The following ANKS1A variants were observed in gnomAD, a reference collection of about 807,000 sequenced individuals.
ANKS1A encodes the protein ankyrin repeat and SAM domain-containing protein 1A.
ANKS1A carries 55 observed loss-of-function variants against 120.3 expected under a neutral mutation model. That is an observed-to-expected ratio of 0.46 (90% CI 0.37 to 0.57). The LOEUF (loss-of-function observed/expected upper bound fraction) is 0.57. Among genes scored for constraint, ANKS1A ranks in the 20% least tolerant of loss-of-function variants. The probability of loss-of-function intolerance (pLI) is 0.00; values close to 1 mark genes in which losing one functional copy is unlikely to be tolerated. For synonymous variants in ANKS1A, 590 were observed against 604.7 expected, an observed-to-expected ratio of 0.98 and a Z score of 0.36; for missense variants, 1,123 against 1,480.3, an observed-to-expected ratio of 0.76 and a Z score of 3.96.
rs867595491 is a variant in ANKS1A, at chr6:35,017,609, C to T, written c.1560C>T (p.Leu520=). 2 of 1,613,924 alleles carry T rather than the reference C, an allele frequency of 1.2e-6. No individual in the cohort carries two copies. Among genetic ancestry groups the T allele is most frequent in the Middle Eastern group, 1.6e-4 (1 of 6,062 alleles). ...TGGGGCAGGACCCTTTCCAGCTGCT[C>T]TGTACCGCTGGCCAGAGCCATCCAG... ...CEVGQDPFQL[L]CTAGQSHPDG... The change falls in exon 11 of 24, where the codon CTC becomes CTT. Residue 520 remains leucine, a synonymous_variant. Coordinates refer to ENST00000360359, the MANE Select transcript of ANKS1A (RefSeq NM_015245.3).
intron 10 of ANKS1A, among the ~76,000 whole-genome samples, chr6:35,010,900 G>C: frequency 6.6e-6 from 1 of 152,316 alleles, no homozygotes; most frequent in Middle Eastern, 3.4e-3. Context: ...ATGGCTTAAA[G>C]AGAGCAGAAG....
At chr6:35,016,124 C>T (rs558972376) in intron 10 of ANKS1A, among the ~76,000 whole-genome samples, 1 of 152,218 alleles carries the variant, frequency 6.6e-6, no homozygotes, top group Non-Finnish European at 1.5e-5. Context: ...ACTTTAGACG[C>T]TGAGGCCCAA....
chr6:35,029,546 A>G (rs892285191), intron 11 of ANKS1A, among the ~76,000 whole-genome samples: 2 of 150,980 alleles, frequency 1.3e-5, no homozygotes, highest in African/African-American at 4.9e-5. Context: ...ACGAGGTTTC[A>G]CCATATTAGG....
intron 8 of ANKS1A, among the ~76,000 whole-genome samples, chr6:34,987,107 A>G (rs1012958490): frequency 9.9e-5 from 15 of 151,958 alleles, no homozygotes; most frequent in Non-Finnish European, 1.8e-4. Flanking sequence ...ATGCTTTGCC[A>G]TTTTTACTTG....
intron 11 of ANKS1A, 34 bp from the exon 12 acceptor site, chr6:35,054,065 C>G (rs559586522): frequency 1.3e-6 from 2 of 1,595,668 alleles, no homozygotes; most frequent in South Asian, 2.2e-5. Context: ...CCAAGCCTGA[C>G]TGCCTCTCCT....
rs1370935233 is a variant in ANKS1A, at chr6:34,967,242, G to A, written c.201G>A (p.Met67Ile). 1 of 1,612,348 alleles carries A rather than the reference G, an allele frequency of 6.2e-7. No individual in the cohort carries two copies. The highest frequency in any genetic ancestry group is 8.5e-7 in the Non-Finnish European group (1 of 1,179,494). ...CTCTTTTTTTTTTCCCTGATAGCAT[G>A]TGGAGAGGGCCAAATGTGAACTGTG... The part of the protein sequence containing the change: ...SSHPLSSLLS[M>I]WRGPNVNCVD... Residue 67 changes from methionine (M) to isoleucine (I), a missense_variant, in exon 2 of 24, where the codon ATG (methionine) becomes ATA (isoleucine). Transcript: ENST00000360359.
intron 1 of ANKS1A, among the ~76,000 whole-genome samples, chr6:34,932,884 C>T (rs992982343): frequency 2.0e-5 from 3 of 152,132 alleles, no homozygotes; most frequent in Non-Finnish European, 1.5e-5. Flanking sequence ...TATATGTTAA[C>T]TCTGTTTAAC....
chr6:35,056,354 T>A (rs1295293281), intron 12 of ANKS1A, among the ~76,000 whole-genome samples: 2 of 152,302 alleles, frequency 1.3e-5, no homozygotes, highest in South Asian at 2.1e-4. Flanking sequence ...AGCGCGGTGA[T>A]CTCCACTCAC....
In ANKS1A at chr6:34,909,345, A is replaced by G. The variant is rs190270170; in HGVS notation, c.197+19746A>G. 1.9e-3 allele frequency among the ~76,000 whole-genome samples: 289 copies of G among 152,258 alleles called. 1 individual carries two copies. Among genetic ancestry groups the G allele is most frequent in the African/African-American group, 6.5e-3 (269 of 41,542 alleles). ...TGATGCCAAAGTCAGTGTTTTTTCC[A>G]TTGCGCCATGCTCTATGTCTTCAAC... On this transcript the variant is annotated intron_variant, in intron 1 of 23. Transcript: ENST00000360359.
chr6:34,982,692 G>A lies in ANKS1A; in HGVS notation c.733-60G>A. 3.2e-6 allele frequency: 5 copies of A among 1,551,204 alleles called. No individual in the cohort carries two copies. The highest frequency in any genetic ancestry group is 2.2e-5 in the East Asian group (1 of 44,534). On this transcript the variant is annotated intron_variant, in intron 4 of 23. Coordinates refer to ENST00000360359, the MANE Select transcript of ANKS1A (RefSeq NM_015245.3). The surrounding 1 kb of genome is among the most constrained non-coding windows in gnomAD (Gnocchi z 4.9). ...TTCTTGTCTGTGTCCCCTTTGTCAC[G>A]TGAAGCCGCACCAAACTGTTCTGAT...
At chr6:34,994,982 A>G (rs1173648310) in intron 10 of ANKS1A, among the ~76,000 whole-genome samples, 2 of 152,240 alleles carry the variant, frequency 1.3e-5, no homozygotes, top group Non-Finnish European at 2.9e-5. Flanking sequence ...GCCCGTCGAT[A>G]TAAGTGCAGT....
intron 11 of ANKS1A, among the ~76,000 whole-genome samples, chr6:35,038,414 G>A (rs887889967): frequency 3.3e-5 from 5 of 152,178 alleles, no homozygotes; most frequent in Non-Finnish European, 7.3e-5. Flanking sequence ...GAAGAGTGCT[G>A]TGATAGTGCT....
At chr6:34,891,372 T>C (rs1766816317) in intron 1 of ANKS1A, among the ~76,000 whole-genome samples, 1 of 152,222 alleles carries the variant, frequency 6.6e-6, no homozygotes, top group South Asian at 2.1e-4. Flanking sequence ...AGTCCCTAGA[T>C]CAGTGCCTGA....
At position 35,086,148 on chromosome 6, in the gene ANKS1A, T is replaced by G; in HGVS notation, c.3303+212T>G. 2 of 1,184,046 alleles carry G rather than the reference T, an allele frequency of 1.7e-6. No individual in the cohort carries two copies. The highest frequency in any genetic ancestry group is 2.9e-5 in the South Asian group (2 of 67,836). 73.3% of individuals were successfully genotyped at this position (1,184,046 alleles called of 1,614,324 possible). A position where few individuals can be genotyped will look rare whatever the true frequency, so the allele number is the denominator to read the frequency against. On this transcript the variant is annotated intron_variant, in intron 22 of 23. Transcript: ENST00000360359. This position sits in a 1 kb window ranked among gnomAD's most constrained non-coding sequence, Gnocchi z 5.1. ...TGGGCGGGCCTCTCATGCTCCTGTTTCCCTCCCTCGCTGGGCTCCCCCAAG... is the reference window on the plus strand; with the variant it reads ...TGGGCGGGCCTCTCATGCTCCTGTTGCCCTCCCTCGCTGGGCTCCCCCAAG...
intron 11 of ANKS1A, chr6:35,023,711 C>A: frequency 2.9e-6 from 1 of 339,146 alleles, no homozygotes; most frequent in South Asian, 2.8e-5. Context: ...GACCAATTAG[C>A]GTGGAAGTTG....
chr6:34,977,056 T>C (rs187026641), intron 3 of ANKS1A, among the ~76,000 whole-genome samples: 1 of 152,332 alleles, frequency 6.6e-6, no homozygotes, highest in East Asian at 1.9e-4. Context: ...AGAGCAATTT[T>C]TTTATGATCG....
chr6:35,005,415 A>G (rs1773398085), intron 10 of ANKS1A, among the ~76,000 whole-genome samples: 1 of 152,226 alleles, frequency 6.6e-6, no homozygotes, highest in African/African-American at 2.4e-5. Flanking sequence ...TGGTAGTGGA[A>G]ACACTTTGTG....
At chr6:35,071,573 C>T (rs1251132759) in intron 13 of ANKS1A, among the ~76,000 whole-genome samples, 1 of 152,046 alleles carries the variant, frequency 6.6e-6, no homozygotes, top group African/African-American at 2.4e-5. Flanking sequence ...TTTCAGGTTT[C>T]TGTGGGATCC....
chr6:35,091,693 G>T (rs1329655232), downstream of ANKS1A, among the ~76,000 whole-genome samples: 3 of 152,202 alleles, frequency 2.0e-5, no homozygotes, highest in African/African-American at 7.2e-5. Context: ...TGCTGCAGTG[G>T]CATCTCTTCT....
Sources: gnomAD v4.1 joint callset for allele counts (sites outside exome capture counted in the v4.1 genomes callset) on GRCh38, gnomAD v4.1.1 for gene constraint, Gnocchi (gnomAD v3.1) non-coding constraint, MANE v1.5 for transcripts, NCBI Gene and HGNC (gene_info 2026-07-23, HGNC 2026-07-21) for gene names.